Variants in PDE1A observed in about 807,000 individuals in gnomAD.
PDE1A encodes the protein dual specificity calcium/calmodulin-dependent 3',5'-cyclic nucleotide phosphodiesterase 1A.
Under a neutral mutation model 61.7 loss-of-function variants are expected in PDE1A, and 35 were observed. The ratio of observed to expected loss-of-function variants is 0.57; its 90% CI spans 0.43 to 0.75. The LOEUF (loss-of-function observed/expected upper bound fraction) is 0.75, where lower values mean the gene tolerates loss of function less well. Ranked by LOEUF, PDE1A falls within the 30% of genes least tolerant of loss-of-function variation. The pLI is 0.00. For synonymous variants in PDE1A, 232 were observed against 213.2 expected (o/e 1.09, Z -0.77); for missense variants, 597 against 630.6 (o/e 0.95, Z 0.57).
intron 1 of PDE1A, among the ~76,000 whole-genome samples, chr2:182,403,517 G>T (rs985793931): frequency 2.0e-5 from 3 of 151,238 alleles, no homozygotes; most frequent in Non-Finnish European, 4.4e-5. Context: ...GAGAATGGTG[G>T]GAACCCGGGA....
intron 13 of PDE1A, among the ~76,000 whole-genome samples, chr2:182,183,682 A>G (rs1353751875): frequency 6.6e-6 from 1 of 151,214 alleles, no homozygotes; most frequent in Non-Finnish European, 1.5e-5. Flanking sequence ...CAGTTTTAAA[A>G]TTGATTTCAA....
At chr2:182,345,555 C>A (rs1698469826) in intron 1 of PDE1A, among the ~76,000 whole-genome samples, 1 of 152,150 alleles carries the variant, frequency 6.6e-6, no homozygotes, top group Non-Finnish European at 1.5e-5. Flanking sequence ...AGCCTTATCC[C>A]AGTTATTACA....
intron 2 of PDE1A, among the ~76,000 whole-genome samples, chr2:182,466,033 T>C (rs1686637385): frequency 6.6e-6 from 1 of 151,984 alleles, no homozygotes; most frequent in Non-Finnish European, 1.5e-5. Flanking sequence ...AGGTGTTGCC[T>C]ACACTTTTGT....
At chr2:182,396,564 G>A (rs144882971) in intron 1 of PDE1A, among the ~76,000 whole-genome samples, 1 of 152,284 alleles carries the variant, frequency 6.6e-6, no homozygotes, top group East Asian at 1.9e-4. Flanking sequence ...CTAAGAACAT[G>A]TTCATGCATA....
intron 2 of PDE1A, among the ~76,000 whole-genome samples, chr2:182,495,545 G>A (rs1260493748): frequency 6.6e-6 from 1 of 152,114 alleles, no homozygotes; most frequent in Non-Finnish European, 1.5e-5. Context: ...GATTTTTAAC[G>A]CTGTGATTTG....
rs1305010647 is a variant in PDE1A, at chr2:182,234,412, A to G, written c.417+20T>C. 1 of 1,558,152 alleles carries G rather than the reference A, an allele frequency of 6.4e-7. No homozygotes were observed. Among genetic ancestry groups the G allele is most frequent in the Non-Finnish European group, 8.8e-7 (1 of 1,137,954 alleles). ...TTTAAAATGACCATTTTATACACGA[A>G]AATAATGAAATTATGTCACCTTTAA... On this transcript the variant is annotated intron_variant, in intron 4 of 13. Transcript: ENST00000351439.
chr2:182,589,310 A>AGGAAGGAAGGAAG, the PDE1A span, among the ~76,000 whole-genome samples: 1 of 148,134 alleles, frequency 6.8e-6, no homozygotes, highest in Admixed American at 6.8e-5. Flanking sequence ...GAAGGAAGGA[A>AGGAAGGAAGGAAG]AAAGAGGTAT....
intron 2 of PDE1A, among the ~76,000 whole-genome samples, chr2:182,251,209 T>G (rs1434096876): frequency 6.6e-6 from 1 of 152,220 alleles, no homozygotes; most frequent in Non-Finnish European, 1.5e-5. Context: ...CTTCATCACC[T>G]ATTGGCTGTG....
intron 2 of PDE1A, among the ~76,000 whole-genome samples, chr2:182,516,189 A>G (rs1274840125): frequency 6.6e-6 from 1 of 152,126 alleles, no homozygotes; most frequent in Non-Finnish European, 1.5e-5. Flanking sequence ...GCAGGACTGT[A>G]TTCTTTCCAG....
chr2:182,480,664 G>A (rs139534197), intron 2 of PDE1A, among the ~76,000 whole-genome samples: 1 of 152,054 alleles, frequency 6.6e-6, no homozygotes, highest in Non-Finnish European at 1.5e-5. Flanking sequence ...ACAGGAGAAT[G>A]GGTGTAGGTT....
the PDE1A span, among the ~76,000 whole-genome samples, chr2:182,644,397 G>T: frequency 6.6e-6 from 1 of 150,982 alleles, no homozygotes; most frequent in Non-Finnish European, 1.5e-5. Flanking sequence ...AGAGTTAATG[G>T]ATCAAAAATA....
At chr2:182,605,496 A>C in the PDE1A span, among the ~76,000 whole-genome samples, 1 of 152,244 alleles carries the variant, frequency 6.6e-6, no homozygotes, top group Non-Finnish European at 1.5e-5. Flanking sequence ...ATTCTCCCTC[A>C]GTCCTTGAGT....
chr2:182,187,737 C>CTTTTTTTTT (rs1038970569), intron 11 of PDE1A, among the ~76,000 whole-genome samples: 52 of 66,380 alleles, frequency 7.8e-4, no homozygotes, highest in Middle Eastern at 0.022. Flanking sequence ...TTTTTTTGTT[C>CTTTTTTTTT]TTTTTTTTTT....
intron 1 of PDE1A, among the ~76,000 whole-genome samples, chr2:182,337,205 G>A (rs921125305): frequency 4.6e-5 from 7 of 151,816 alleles, no homozygotes; most frequent in Admixed American, 1.3e-4. Context: ...GTAGGGAAAG[G>A]ATTTGAACAG....
chr2:182,286,243 A>G (rs912560343), intron 1 of PDE1A, among the ~76,000 whole-genome samples: 3 of 152,120 alleles, frequency 2.0e-5, no homozygotes, highest in African/African-American at 7.2e-5. Flanking sequence ...GATATCTAAC[A>G]TTGTAAATGA....
chr2:182,456,547 T>C (rs962399853), intron 2 of PDE1A, among the ~76,000 whole-genome samples: 2 of 152,122 alleles, frequency 1.3e-5, no homozygotes, highest in African/African-American at 4.8e-5. Flanking sequence ...CATTCAGGCA[T>C]GATGACACTT....
In PDE1A at chr2:182,180,565, G is replaced by A. The variant is rs538292074; in HGVS notation, c.1516+5327C>T. ...GGAGAATCTGAAAATTACGTGTCCT[G>A]GCGTTGATCTTCTCATGGAGTATCT... On this transcript the variant is annotated intron_variant, in intron 13 of 13. Coordinates refer to ENST00000351439, the Ensembl canonical transcript of PDE1A. 3.9e-5 allele frequency among the ~76,000 whole-genome samples: 6 copies of A among 152,136 alleles called. No homozygotes were observed. In the East Asian group the frequency reaches 1.2e-3, roughly 30 times the overall value.
the PDE1A span, among the ~76,000 whole-genome samples, chr2:182,660,502 C>T: frequency 6.6e-6 from 1 of 152,148 alleles, no homozygotes; most frequent in Admixed American, 6.5e-5. Context: ...GATTTTGCAG[C>T]TATAATCAAG....
the PDE1A span, among the ~76,000 whole-genome samples, chr2:182,644,929 T>C: frequency 6.6e-6 from 1 of 151,914 alleles, no homozygotes; most frequent in African/African-American, 2.4e-5. Context: ...AAAAGTATAG[T>C]AATTTAAAAT....
Sources: gnomAD v4.1 joint callset for allele counts (sites outside exome capture counted in the v4.1 genomes callset) on GRCh38, gnomAD v4.1.1 for gene constraint, MANE v1.5 for transcripts, NCBI Gene and HGNC (gene_info 2026-07-23, HGNC 2026-07-21) for gene names.